The following KCNQ5 variants were observed in gnomAD, a reference collection of about 807,000 sequenced individuals.
KCNQ5 encodes potassium voltage-gated channel subfamily Q member 5.
KCNQ5 carries 30 observed loss-of-function variants against 98.2 expected under a neutral mutation model. The ratio of observed to expected loss-of-function variants is 0.31; its 90% CI spans 0.23 to 0.41. The LOEUF (loss-of-function observed/expected upper bound fraction) is 0.41, where lower values mean the gene tolerates loss of function less well. KCNQ5 is among the 10% of genes least tolerant of loss of function. The pLI, the probability that KCNQ5 is intolerant of heterozygous loss-of-function variation, is 1.00. For missense variants in KCNQ5, 835 were observed against 1,182.5 expected (o/e 0.71, Z 4.31); for synonymous variants, 458 against 449.4 (o/e 1.02, Z -0.24).
At position 73,193,559 on chromosome 6, in the gene KCNQ5, A is replaced by T. The variant is rs372944907; in HGVS notation, c.1836+868A>T. On this transcript the variant is annotated intron_variant, in intron 13 of 13. Coordinates refer to ENST00000370398, the MANE Select transcript of KCNQ5 (RefSeq NM_019842.4). ...TATTATAATTCTGATGACACATTGA[A>T]TGTTTGTTAACCTCAAGTCTGTTGC... Among the ~76,000 whole-genome samples, 3 of 151,000 alleles carry T rather than the reference A, an allele frequency of 2.0e-5. No individual in the cohort carries two copies. The South Asian group carries it at 6.2e-4, about 31-fold the overall frequency.
At chr6:72,862,260 G>A (rs1777795989) in intron 1 of KCNQ5, among the ~76,000 whole-genome samples, 1 of 152,182 alleles carries the variant, frequency 6.6e-6, no homozygotes, top group Non-Finnish European at 1.5e-5. Flanking sequence ...GAAAGTGAGA[G>A]GGGAAATTCT....
intron 9 of KCNQ5, among the ~76,000 whole-genome samples, chr6:73,132,712 A>G (rs1216406979): frequency 1.3e-5 from 2 of 152,242 alleles, no homozygotes; most frequent in Non-Finnish European, 2.9e-5. Flanking sequence ...CAGCAAATCA[A>G]TAACCTGTTT....
chr6:73,038,561 G>T (rs539150205), intron 2 of KCNQ5, among the ~76,000 whole-genome samples: 1 of 151,728 alleles, frequency 6.6e-6, no homozygotes, highest in Non-Finnish European at 1.5e-5. Flanking sequence ...CTTGCCAAGA[G>T]TTTTTTTTAA....
chr6:72,770,121 G>A (rs549369022), intron 1 of KCNQ5, among the ~76,000 whole-genome samples: 2 of 152,260 alleles, frequency 1.3e-5, no homozygotes, highest in Non-Finnish European at 2.9e-5. Flanking sequence ...TTTTAAAATG[G>A]ATTTTAATGG....
chr6:73,120,088 A>G (rs1471309221), intron 7 of KCNQ5, among the ~76,000 whole-genome samples: 1 of 150,686 alleles, frequency 6.6e-6, no homozygotes, highest in African/African-American at 2.4e-5. Flanking sequence ...AAGTACAAAA[A>G]AAAAAAAAAT....
At chr6:72,949,574 C>T (rs1283068433) in intron 1 of KCNQ5, among the ~76,000 whole-genome samples, 4 of 152,140 alleles carry the variant, frequency 2.6e-5, no homozygotes, top group Admixed American at 6.5e-5. Context: ...TTTTTAACTA[C>T]GTGAGTATAG....
At chr6:73,075,685 T>A (rs186454927) in intron 3 of KCNQ5, among the ~76,000 whole-genome samples, 28 of 152,100 alleles carry the variant, frequency 1.8e-4, no homozygotes, top group African/African-American at 6.3e-4. Context: ...CTGCCAAGAG[T>A]GGTAACTCTC....
intron 1 of KCNQ5, among the ~76,000 whole-genome samples, chr6:72,731,276 A>G (rs1165629823): frequency 1.3e-5 from 2 of 152,202 alleles, no homozygotes; most frequent in East Asian, 3.8e-4. Context: ...GGCACACACA[A>G]CATGGGCAAA....
chr6:72,762,189 G>A (rs971015639), intron 1 of KCNQ5, among the ~76,000 whole-genome samples: 27 of 151,888 alleles, frequency 1.8e-4, no homozygotes, highest in Admixed American at 1.2e-3. Context: ...AAAAAATCAC[G>A]TCAAATATCT....
chr6:72,736,936 A>T (rs1385061893), intron 1 of KCNQ5, among the ~76,000 whole-genome samples: 1 of 151,602 alleles, frequency 6.6e-6, no homozygotes, highest in Non-Finnish European at 1.5e-5. Context: ...AAAGAATGTC[A>T]ACTGTATGAT....
At chr6:73,005,208 A>T (rs1485268117) in intron 2 of KCNQ5, among the ~76,000 whole-genome samples, 1 of 152,232 alleles carries the variant, frequency 6.6e-6, no homozygotes, top group Non-Finnish European at 1.5e-5. Flanking sequence ...AGATAGACCA[A>T]AGAGCACATC....
At chr6:73,161,515 G>T (rs1777614371) in intron 10 of KCNQ5, among the ~76,000 whole-genome samples, 1 of 152,112 alleles carries the variant, frequency 6.6e-6, no homozygotes, top group Non-Finnish European at 1.5e-5. Context: ...TTAAGATGAT[G>T]GATAGCCCAA....
intron 1 of KCNQ5, among the ~76,000 whole-genome samples, chr6:72,961,201 T>C (rs1767326468): frequency 6.6e-6 from 1 of 152,262 alleles, no homozygotes; most frequent in Non-Finnish European, 1.5e-5. Context: ...CCTCATTATA[T>C]ACTGTGGATA....
chr6:72,626,186 TTA>T (rs947273988), intron 1 of KCNQ5, among the ~76,000 whole-genome samples: 7 of 152,296 alleles, frequency 4.6e-5, no homozygotes, highest in Admixed American at 4.6e-4. Context: ...ATTGGTGTGC[TTA>T]GAGAGAGAGG....
intron 1 of KCNQ5, among the ~76,000 whole-genome samples, chr6:72,880,800 G>T (rs1778607270): frequency 6.6e-6 from 1 of 152,104 alleles, no homozygotes; most frequent in South Asian, 2.1e-4. Context: ...TATTATCTTG[G>T]ATATTATATA....
rs1770463479 is a variant in KCNQ5, at chr6:73,018,806, T to G, written c.489+14808T>G. 2.0e-5 allele frequency among the ~76,000 whole-genome samples: 3 copies of G among 152,194 alleles called. No homozygotes were observed. The South Asian group carries it at 6.2e-4, about 32-fold the overall frequency. On this transcript the variant is annotated intron_variant, in intron 2 of 13. Transcript: ENST00000370398. ...ATTGTACATACAGTAATGATGTCAA[T>G]GTAACACAGAAGTTAGAGATTATTT...
chr6:72,969,152 C>T (rs752040851), intron 1 of KCNQ5, among the ~76,000 whole-genome samples: 1 of 151,956 alleles, frequency 6.6e-6, no homozygotes, highest in Non-Finnish European at 1.5e-5. Flanking sequence ...GCATTTATGC[C>T]CAAACACAAT....
chr6:72,674,133 T>C (rs1477332130), intron 1 of KCNQ5, among the ~76,000 whole-genome samples: 1 of 152,194 alleles, frequency 6.6e-6, no homozygotes, highest in East Asian at 1.9e-4. Flanking sequence ...TCACTGTGGA[T>C]CCTTTTTGGA....
chr6:73,128,985 T>C (rs1467404101), intron 9 of KCNQ5, among the ~76,000 whole-genome samples: 1 of 152,210 alleles, frequency 6.6e-6, no homozygotes, highest in Non-Finnish European at 1.5e-5. Flanking sequence ...TGGAAGACTG[T>C]GTGCTCTTAT....
Sources: allele counts gnomAD v4.1 joint callset (sites outside exome capture counted in the v4.1 genomes callset), GRCh38; gene constraint gnomAD v4.1.1; transcripts MANE v1.5; gene names NCBI Gene and HGNC (gene_info 2026-07-23, HGNC 2026-07-21).